Variants in CTBP2 observed in about 807,000 individuals in gnomAD.
The protein encoded by CTBP2 is C-terminal binding protein 2, also known as C-terminal-binding protein 2.
CTBP2 carries 30 observed loss-of-function variants against 80.3 expected under a neutral mutation model. The ratio of observed to expected loss-of-function variants is 0.37; its 90% confidence interval spans 0.28 to 0.51. The LOEUF (loss-of-function observed/expected upper bound fraction) is 0.51. CTBP2 is among the 20% of genes least tolerant of loss of function. The probability of loss-of-function intolerance (pLI) is 0.93; values close to 1 mark genes in which losing one functional copy is unlikely to be tolerated. For synonymous variants in CTBP2, 594 were observed against 587.4 expected (o/e 1.01, Z -0.16); for missense variants, 1,212 against 1,375.3 (o/e 0.88, Z 1.88).
At chr10:125,031,906 C>A (rs534835954), upstream of CTBP2, among the ~76,000 whole-genome samples, 38 of 152,300 alleles carry the variant, frequency 2.5e-4, no homozygotes, top group African/African-American at 9.1e-4. Flanking sequence ...TCCTAAGAAG[C>A]CCCAGTCCTC....
chr10:125,021,665 G>A (rs768712426), intron 1 of CTBP2, among the ~76,000 whole-genome samples: 9 of 152,180 alleles, frequency 5.9e-5, no homozygotes, highest in Non-Finnish European at 1.3e-4. Flanking sequence ...AGGGCTGGGA[G>A]TCTCAGGAGG....
chr10:125,095,825 T>C (rs1386933323), intron 2 of CTBP2, among the ~76,000 whole-genome samples: 1 of 152,140 alleles, frequency 6.6e-6, no homozygotes, highest in African/African-American at 2.4e-5. Context: ...TTACAAAAGC[T>C]CTGTGGTGAC....
chr10:125,119,607 A>G (rs1853971297), intron 1 of CTBP2, among the ~76,000 whole-genome samples: 1 of 152,242 alleles, frequency 6.6e-6, no homozygotes, highest in Non-Finnish European at 1.5e-5. Flanking sequence ...CAAATCTCAC[A>G]TATTTTAAAA....
At chr10:125,076,931 A>G (rs1028191854) in intron 2 of CTBP2, among the ~76,000 whole-genome samples, 1 of 152,144 alleles carries the variant, frequency 6.6e-6, no homozygotes, top group South Asian at 2.1e-4. Context: ...CTGTCTCGCT[A>G]CTTCCTGCTG....
intron 1 of CTBP2, among the ~76,000 whole-genome samples, chr10:125,113,402 A>G (rs1852639622): frequency 6.6e-6 from 1 of 152,212 alleles, no homozygotes; most frequent in Non-Finnish European, 1.5e-5. Flanking sequence ...AATGCCTTTT[A>G]CTTAATCACA....
intron 1 of CTBP2, among the ~76,000 whole-genome samples, chr10:125,155,927 T>C (rs1860839224): frequency 6.6e-6 from 1 of 152,208 alleles, no homozygotes; most frequent in Non-Finnish European, 1.5e-5. Flanking sequence ...CAGCATTTCA[T>C]GTGCCCACTA....
At chr10:125,128,467 A>G (rs531511463) in intron 1 of CTBP2, among the ~76,000 whole-genome samples, 19 of 152,316 alleles carry the variant, frequency 1.2e-4, no homozygotes, top group African/African-American at 4.6e-4. Context: ...AGCCAGGAAA[A>G]GCAAGAGAAA....
chr10:124,994,434 G>A (rs377753542), intron 5 of CTBP2, 35 bp downstream of exon 7: 25 of 1,603,744 alleles, frequency 1.6e-5, no homozygotes, highest in Non-Finnish European at 1.9e-5. Flanking sequence ...ACCACCTTTC[G>A]ACAGAAGCTT....
chr10:125,031,680 G>A (rs1011404549), upstream of CTBP2, among the ~76,000 whole-genome samples: 8 of 152,188 alleles, frequency 5.3e-5, no homozygotes, highest in Admixed American at 2.0e-4. Context: ...TCTAAATCAC[G>A]CAAGCACACA....
intron 2 of CTBP2, among the ~76,000 whole-genome samples, chr10:125,056,730 G>A (rs1334887032): frequency 2.0e-5 from 3 of 152,258 alleles, no homozygotes; most frequent in Non-Finnish European, 2.9e-5. Flanking sequence ...GTCGAGGGAT[G>A]TTGGCTACAG....
chr10:125,025,961 G>GGT (rs150788520), intron 1 of CTBP2: 614 of 1,239,974 alleles, frequency 5.0e-4, no homozygotes, highest in Admixed American at 6.0e-4. Context: ...CTTGTTTGGT[G>GGT]GTGTGTGTGT....
intron 2 of CTBP2, among the ~76,000 whole-genome samples, chr10:125,097,605 T>C (rs1057429557): frequency 6.6e-6 from 1 of 151,968 alleles, no homozygotes; most frequent in African/African-American, 2.4e-5. Flanking sequence ...TCACGTGGGG[T>C]CCATACCATT....
chr10:125,044,097 C>T (rs1960604668), intron 2 of CTBP2, among the ~76,000 whole-genome samples: 1 of 152,180 alleles, frequency 6.6e-6, no homozygotes, highest in African/African-American at 2.4e-5. Context: ...AGAAAAGATT[C>T]CCTGCAACCC....
At chr10:125,145,523 A>G (rs1483952800) in intron 1 of CTBP2, among the ~76,000 whole-genome samples, 1 of 152,200 alleles carries the variant, frequency 6.6e-6, no homozygotes, top group Admixed American at 6.5e-5. Context: ...GCAGGGGGCC[A>G]GAGAAGGTTG....
chr10:125,096,324 G>C (rs1849539941), intron 2 of CTBP2, among the ~76,000 whole-genome samples: 1 of 152,014 alleles, frequency 6.6e-6, no homozygotes, highest in Non-Finnish European at 1.5e-5. Flanking sequence ...CCTACCCCAT[G>C]GGGAAAAAAT....
chr10:125,127,274 C>G (rs1044066670), intron 1 of CTBP2, among the ~76,000 whole-genome samples: 2 of 152,116 alleles, frequency 1.3e-5, no homozygotes, highest in Admixed American at 6.5e-5. Flanking sequence ...CCTTGCAGTG[C>G]TCATCAACAA....
At chr10:125,154,836 G>A (rs1427319733) in intron 1 of CTBP2, among the ~76,000 whole-genome samples, 1 of 152,210 alleles carries the variant, frequency 6.6e-6, no homozygotes, top group East Asian at 1.9e-4. Context: ...GTGAATGGGG[G>A]AGGAGCTTTT....
At chr10:125,057,967 C>T (rs924346244) in intron 2 of CTBP2, among the ~76,000 whole-genome samples, 15 of 152,158 alleles carry the variant, frequency 9.9e-5, no homozygotes, top group Non-Finnish European at 2.1e-4. Flanking sequence ...AGGGCCGTGG[C>T]AGGAATGAGG....
chr10:125,029,500 T>G (rs1012600671), upstream of CTBP2, among the ~76,000 whole-genome samples: 11 of 152,156 alleles, frequency 7.2e-5, no homozygotes, highest in Admixed American at 5.9e-4. Context: ...CCTCAGGTGA[T>G]CCACCCACCT....
Sources: allele counts gnomAD v4.1 joint callset (sites outside exome capture counted in the v4.1 genomes callset), GRCh38; gene constraint gnomAD v4.1.1; transcripts MANE v1.5; gene names NCBI Gene and HGNC (gene_info 2026-07-23, HGNC 2026-07-21).